Variants in TDRD1 observed in about 807,000 individuals in gnomAD.
TDRD1 encodes tudor domain-containing protein 1.
TDRD1 carries 37 observed loss-of-function variants against 140.6 expected under a neutral mutation model. The ratio of observed to expected loss-of-function variants is 0.26; its 90% confidence interval spans 0.20 to 0.35. The LOEUF is 0.35. Ranked by LOEUF, TDRD1 falls within the 10% of genes least tolerant of loss-of-function variation. The pLI, the probability that TDRD1 is intolerant of heterozygous loss-of-function variation, is 1.00. For missense variants in TDRD1, 1,243 were observed against 1,393.0 expected (o/e 0.89, Z 1.71); for synonymous variants, 506 against 475.7 (o/e 1.06, Z -0.83).
chr10:114,213,738 G>GA, intron 15 of TDRD1, 150 bp downstream of exon 15: 2 of 878,756 alleles, frequency 2.3e-6, no homozygotes, highest in Non-Finnish European at 3.4e-6. Flanking sequence ...AAGAATGTTT[G>GA]AAAAATAAAA....
chr10:114,229,677 T>G (rs1464201543), intron 25 of TDRD1, among the ~76,000 whole-genome samples: 1 of 151,060 alleles, frequency 6.6e-6, no homozygotes, highest in Non-Finnish European at 1.5e-5. Context: ...GCCTCCCAAG[T>G]AGCTGGGACT....
chr10:114,219,891 C>G (rs1589708570), intron 18 of TDRD1, among the ~76,000 whole-genome samples: 1 of 152,108 alleles, frequency 6.6e-6, no homozygotes, highest in African/African-American at 2.4e-5. Context: ...TGTGCCCGGC[C>G]CAGATTATTG....
intron 15 of TDRD1, 119 bp from the exon 16 acceptor site, chr10:114,213,858 A>G (rs930465067): frequency 2.3e-5 from 20 of 873,968 alleles, no homozygotes; most frequent in East Asian, 5.1e-5. Context: ...TAATATTCCT[A>G]TAAAGGCACT....
intron 14 of TDRD1, among the ~76,000 whole-genome samples, 162 bp downstream of exon 14, chr10:114,212,198 C>A (rs2035529536): frequency 2.0e-5 from 3 of 152,312 alleles, no homozygotes; most frequent in South Asian, 2.1e-4. Flanking sequence ...TCAGAGATTT[C>A]TTTCCATGTC....
chr10:114,203,657 A>G, intron 8 of TDRD1, 90 bp downstream of exon 8: 1 of 1,194,112 alleles, frequency 8.4e-7, no homozygotes, highest in Non-Finnish European at 1.2e-6. Context: ...ATGCATGACA[A>G]GGCTTAAAGC....
chr10:114,209,720 T>C (rs2035361473), intron 11 of TDRD1, among the ~76,000 whole-genome samples: 1 of 152,200 alleles, frequency 6.6e-6, no homozygotes, highest in African/African-American at 2.4e-5. Context: ...TATCCCAGCC[T>C]CCCCTTTGTC....
At chr10:114,212,343 C>T (rs543381162) in intron 14 of TDRD1, among the ~76,000 whole-genome samples, 20 of 152,250 alleles carry the variant, frequency 1.3e-4, no homozygotes, top group African/African-American at 4.6e-4. Context: ...AAAATACTTC[C>T]TTAGGCTACA....
At chr10:114,209,256 A>G (rs1194939732) in intron 11 of TDRD1, among the ~76,000 whole-genome samples, 1 of 152,176 alleles carries the variant, frequency 6.6e-6, no homozygotes, top group Non-Finnish European at 1.5e-5. Context: ...GGAGGATCTT[A>G]TGATGGACTC....
At chr10:114,214,626 T>C (rs73357571) in intron 16 of TDRD1, among the ~76,000 whole-genome samples, 12,047 of 152,204 alleles carry the variant, frequency 0.079, 633 homozygotes, top group African/African-American at 0.14. Flanking sequence ...TAATGAATTA[T>C]CACAAACTCC....
intron 23 of TDRD1, 45 bp from the exon 24 acceptor site, chr10:114,227,865 T>C: frequency 6.5e-7 from 1 of 1,539,332 alleles, no homozygotes; most frequent in Non-Finnish European, 9.0e-7. Flanking sequence ...TTTTTCTTCT[T>C]TACATTATGT....
At position 114,203,507 on chromosome 10, in the gene TDRD1, T is replaced by C. The variant is rs199592153; in HGVS notation, c.921T>C (p.His307=). Residue 307 remains histidine, a synonymous_variant, in exon 8 of 26, where the codon CAT becomes CAC. Coordinates refer to ENST00000251864, the Ensembl canonical transcript of TDRD1. ...TAAAAGAAACATATGCAAATGTGCA[T>C]GAAAAAGACTATATTCCTGTTAAGG... 4.3e-6 allele frequency: 7 copies of C among 1,613,756 alleles called. No individual in the cohort carries two copies. The East Asian group carries it at 1.6e-4, about 36-fold the overall frequency.
At chr10:114,209,882 A>G (rs1481908680) in intron 11 of TDRD1, among the ~76,000 whole-genome samples, 2 of 152,242 alleles carry the variant, frequency 1.3e-5, no homozygotes, top group Non-Finnish European at 2.9e-5. Flanking sequence ...TCCTTAAAAC[A>G]GTAGTAGTTT....
At chr10:114,176,151 T>C (rs928058402), upstream of TDRD1, among the ~76,000 whole-genome samples, 1 of 152,138 alleles carries the variant, frequency 6.6e-6, no homozygotes, top group African/African-American at 2.4e-5. The surrounding 1 kb of genome is among the most constrained non-coding windows in gnomAD (Gnocchi z 4.2). Flanking sequence ...TGGCACCACT[T>C]GAACCTACTA....
intron 1 of TDRD1, among the ~76,000 whole-genome samples, chr10:114,182,487 A>C (rs2033150699): frequency 6.6e-6 from 1 of 152,126 alleles, no homozygotes; most frequent in Non-Finnish European, 1.5e-5. Context: ...AGTCAAATAT[A>C]TTTACTAATT....
chr10:114,228,553 A>G, intron 25 of TDRD1: 5 of 990,640 alleles, frequency 5.0e-6, no homozygotes, highest in Non-Finnish European at 6.0e-6. Context: ...AAGGGCCAAG[A>G]ACGGAAAGTG....
chr10:114,194,277 C>A (rs941422613), intron 3 of TDRD1, among the ~76,000 whole-genome samples: 3 of 152,084 alleles, frequency 2.0e-5, no homozygotes, highest in Non-Finnish European at 4.4e-5. Context: ...GGTGTTAATT[C>A]TTCTCTAAAC....
chr10:114,199,959 G>A (rs920393072), intron 4 of TDRD1, among the ~76,000 whole-genome samples: 1 of 152,172 alleles, frequency 6.6e-6, no homozygotes, highest in Non-Finnish European at 1.5e-5. Flanking sequence ...CATTTATTGT[G>A]GGTGCACAGG....
chr10:114,211,733 A>T, intron 13 of TDRD1, 133 bp from the exon 14 acceptor site: 1 of 875,938 alleles, frequency 1.1e-6, no homozygotes, highest in Admixed American at 3.4e-5. Context: ...CAAAATTAGT[A>T]AACATTGTTC....
At chr10:114,222,684 A>G (rs773550313) in exon 21 of TDRD1, 1 of 1,602,950 alleles carries the variant, frequency 6.2e-7, no homozygotes, top group Non-Finnish European at 8.5e-7. Flanking sequence ...TTGGAGACGC[A>G]TGCTGTGCCA....
Sources: allele counts gnomAD v4.1 joint callset (sites outside exome capture counted in the v4.1 genomes callset), GRCh38; gene constraint gnomAD v4.1.1; non-coding constraint Gnocchi (gnomAD v3.1); transcripts MANE v1.5; gene names NCBI Gene and HGNC (gene_info 2026-07-23, HGNC 2026-07-21).